Variants in COL12A1 observed in about 807,000 individuals in gnomAD.
COL12A1 encodes the protein collagen alpha-1(XII) chain.
Under a neutral mutation model 349.7 loss-of-function variants are expected in COL12A1, and 114 were observed. The observed-to-expected ratio is 0.33, with a 90% CI of 0.28 to 0.38. The LOEUF is 0.38. COL12A1 is among the 10% of genes least tolerant of loss of function. COL12A1 has a pLI of 1.00. For synonymous variants in COL12A1, 1,369 were observed against 1,329.0 expected, an observed-to-expected ratio of 1.03 and a Z score of -0.66; for missense variants, 3,284 against 3,756.9, an observed-to-expected ratio of 0.87 and a Z score of 3.29.
chr6:75,155,911 CTTT>C, intron 15 of COL12A1, 57 bp from the exon 16 acceptor site: 1 of 1,504,034 alleles, frequency 6.6e-7, no homozygotes, highest in Non-Finnish European at 8.9e-7. Context: ...TTTGGGGTTT[CTTT>C]TTTATTAGCC....
Position 75,130,885 on chromosome 6 carries a change from C to T in COL12A1, c.6034G>A (p.Glu2012Lys). The part of the protein sequence containing the change: ...VNLVALYSDG[E>K]GNPSPAQGRT... ...CCCTGGGCAGGGCTGGGATTTCCCTCTCCATCCGAGTACAGAGCCACAAGG... is the reference window on the plus strand; with the variant it reads ...CCCTGGGCAGGGCTGGGATTTCCCTTTCCATCCGAGTACAGAGCCACAAGG... The change falls in exon 36 of 66, where the codon GAG becomes AAG. Residue 2012 changes from glutamate (E) to lysine (K), a missense_variant. Physicochemically the swap from Glu to Lys is moderately conservative, Grantham distance 56 (BLOSUM62 1). Transcript: ENST00000322507. 6.2e-7 allele frequency: 1 copy of T among 1,614,130 alleles called. No homozygotes were observed. Among genetic ancestry groups the T allele is most frequent in the Non-Finnish European group, 8.5e-7 (1 of 1,179,994 alleles).
intron 33 of COL12A1, 50 bp from the exon 34 acceptor site, chr6:75,133,472 G>T (rs771612920): frequency 1.0e-5 from 16 of 1,560,384 alleles, no homozygotes; most frequent in Non-Finnish European, 1.2e-5. Context: ...ATTTGTGAAA[G>T]AAATAATAAT....
intron 58 of COL12A1, among the ~76,000 whole-genome samples, chr6:75,098,882 C>T (rs1408699193): frequency 6.6e-6 from 1 of 152,160 alleles, no homozygotes; most frequent in Non-Finnish European, 1.5e-5. Context: ...TATTTTTTCT[C>T]TCTCTCTGTA....
chr6:75,087,777 C>A (rs746192829), intron 64 of COL12A1, 30 bp from the exon 65 acceptor site: 1 of 1,598,110 alleles, frequency 6.3e-7, no homozygotes, highest in Non-Finnish European at 8.5e-7. Flanking sequence ...AATATATTTC[C>A]CCTCTTGTCA....
At chr6:75,196,676 C>T (rs1032221200) in intron 2 of COL12A1, among the ~76,000 whole-genome samples, 1 of 152,094 alleles carries the variant, frequency 6.6e-6, no homozygotes, top group African/African-American at 2.4e-5. Flanking sequence ...AATAGGACAA[C>T]GGGTATTAAG....
intron 23 of COL12A1, among the ~76,000 whole-genome samples, chr6:75,147,429 T>C (rs901225444): frequency 1.3e-5 from 2 of 152,172 alleles, no homozygotes; most frequent in African/African-American, 2.4e-5. Flanking sequence ...TAAAGGTTGT[T>C]TTCCCTCTAG....
rs1474687066 is a variant in COL12A1 at position 75,132,077 on chromosome 6, T to C, written c.5800A>G (p.Arg1934Gly). The change falls in exon 35 of 66, where the codon AGA becomes GGA. Residue 1934 changes from arginine (R) to glycine (G), a missense_variant. Around this residue, in one of 2 missense-constraint regions of COL12A1, gnomAD observed 2,601 missense variants for 2,824.8 expected, o/e 0.92. Transcript: ENST00000322507. Reference sequence around the variant, plus strand: ...ACTTGGACATTTCTTGCCAGTCCTCTCATCACTGAGGAAATGAAGGCCAAC... The same window carrying C: ...ACTTGGACATTTCTTGCCAGTCCTCCCATCACTGAGGAAATGAAGGCCAAC... The part of the protein sequence containing the change: ...RTSDTGRTLM[R>G]GLARNVQVYN... 3 of 1,613,742 alleles carry C rather than the reference T, an allele frequency of 1.9e-6. No individual in the cohort carries two copies. The highest frequency in any genetic ancestry group is 2.5e-6 in the Non-Finnish European group (3 of 1,179,892).
At chr6:75,190,056 A>T (rs181242620) in intron 5 of COL12A1, among the ~76,000 whole-genome samples, 1 of 152,128 alleles carries the variant, frequency 6.6e-6, no homozygotes, top group African/African-American at 2.4e-5. Flanking sequence ...GCTTTATAAG[A>T]CATTATACAA....
chr6:75,202,918 G>A, intron 1 of COL12A1, 91 bp from the exon 2 acceptor site: 1 of 763,024 alleles, frequency 1.3e-6, no homozygotes. Context: ...TCCAGAACCC[G>A]ACCAGATCTG....
At chr6:75,128,662 C>T (rs1305747555) in intron 37 of COL12A1, among the ~76,000 whole-genome samples, 2 of 152,256 alleles carry the variant, frequency 1.3e-5, no homozygotes, top group East Asian at 3.9e-4. Context: ...TTAACAGCCA[C>T]GTGACTTAAC....
chr6:75,200,729 T>C (rs1473110684), intron 2 of COL12A1, among the ~76,000 whole-genome samples: 2 of 152,218 alleles, frequency 1.3e-5, no homozygotes, highest in East Asian at 1.9e-4. Flanking sequence ...AAATACATTA[T>C]AAAATTTAAT....
intron 51 of COL12A1, among the ~76,000 whole-genome samples, chr6:75,109,942 G>A (rs1768751200): frequency 6.6e-6 from 1 of 151,886 alleles, no homozygotes; most frequent in Admixed American, 6.6e-5. Flanking sequence ...TGAAAAGTTT[G>A]GCAGCAAATT....
chr6:75,110,052 G>T (rs753863060), intron 51 of COL12A1, among the ~76,000 whole-genome samples: 8 of 151,854 alleles, frequency 5.3e-5, no homozygotes, highest in Non-Finnish European at 8.8e-5. Flanking sequence ...TGGAATCACC[G>T]CCAAACCATA....
In COL12A1 at chr6:75,109,048, T is replaced by A; in HGVS notation, c.8070A>T (p.Lys2690Asn). 6.2e-7 allele frequency: 1 copy of A among 1,612,054 alleles called. No homozygotes were observed. The highest frequency in any genetic ancestry group is 8.5e-7 in the Non-Finnish European group (1 of 1,179,278). The change falls in exon 52 of 66, where the codon AAA (lysine) becomes AAT (asparagine). Residue 2690 changes from lysine (K) to asparagine (N), a missense_variant. Lys to Asn is a moderately conservative substitution (Grantham distance 94). Transcript: ENST00000322507. ...CTGATTTCCTTTCCCCTTTAAGGAG[T>A]TTTCCAAGAATTTCATAACCATCAG... ...ITTDGYEILG[K>N]LLKGERKSAA...
rs560139790 is a variant in COL12A1, at chr6:75,187,701, T to C, written c.997+661A>G. ...GATGTCACTATTTAGAATTTATGTT[T>C]AATCACTTATCGATTCTCAAGCTGA... On this transcript the variant is annotated intron_variant, in intron 8 of 65. Coordinates refer to ENST00000322507, the MANE Select transcript of COL12A1 (RefSeq NM_004370.6). Among the ~76,000 whole-genome samples, 28 of 152,274 alleles carry C rather than the reference T, an allele frequency of 1.8e-4. No individual in the cohort carries two copies. The South Asian group carries it at 5.8e-3, about 32-fold the overall frequency.
At chr6:75,133,140 A>G (rs1267849280) in intron 34 of COL12A1, among the ~76,000 whole-genome samples, 153 bp downstream of exon 34, 1 of 152,232 alleles carries the variant, frequency 6.6e-6, no homozygotes, top group Non-Finnish European at 1.5e-5. Context: ...AAATGTTAAC[A>G]TTTGGTGTTA....
rs1420771479 is a variant in COL12A1, at chr6:75,165,751, A to G, written c.2739T>C (p.Thr913=). 6 of 1,613,900 alleles carry G rather than the reference A, an allele frequency of 3.7e-6. No individual in the cohort carries two copies. Among genetic ancestry groups the G allele is most frequent in the Middle Eastern group, 1.7e-4 (1 of 6,058 alleles). The part of the protein sequence containing the change: ...EERGSPQDLV[T]KDITDTSIGA... ...CAATTGATGTGTCAGTGATGTCTTTAGTAACTAAATCTTGAGGAGAACCAC... is the reference window on the plus strand; with the variant it reads ...CAATTGATGTGTCAGTGATGTCTTTGGTAACTAAATCTTGAGGAGAACCAC... Residue 913 remains threonine (T), a synonymous_variant, in exon 14 of 66, where the codon ACT becomes ACC. Coordinates refer to ENST00000322507, the MANE Select transcript of COL12A1 (RefSeq NM_004370.6).
rs763105752 is a variant in COL12A1, at chr6:75,175,122, C to A, written c.2626G>T (p.Gly876Trp). 6.2e-7 allele frequency: 1 copy of A among 1,614,156 alleles called. No homozygotes were observed. Among genetic ancestry groups the A allele is most frequent in the Non-Finnish European group, 8.5e-7 (1 of 1,180,032 alleles). The change falls in exon 13 of 66, where the codon GGG becomes TGG. Residue 876 changes from glycine to tryptophan, a missense_variant. By Grantham distance (184) the Gly-to-Trp change is radical (BLOSUM62 -2). Transcript: ENST00000322507. ...TNTVLQGLKE[G>W]TQYALSVTAL... ...GTCACAGATAAGGCGTATTGTGTCC[C>A]TTCCTTCAATCCCTGCAGCACCGTA...
intron 1 of COL12A1, among the ~76,000 whole-genome samples, chr6:75,203,094 C>T (rs1472807865): frequency 6.6e-6 from 1 of 152,166 alleles, no homozygotes; most frequent in Non-Finnish European, 1.5e-5. Flanking sequence ...CGGGTGAAGG[C>T]CTTTACCAGC....
Sources: allele counts gnomAD v4.1 joint callset (sites outside exome capture counted in the v4.1 genomes callset), GRCh38; gene constraint gnomAD v4.1.1; regional missense constraint gnomAD v4.1.1; transcripts MANE v1.5; gene names NCBI Gene and HGNC (gene_info 2026-07-23, HGNC 2026-07-21).